DENND5B: variants seen among roughly 807,000 people sequenced by gnomAD.
DENND5B encodes the protein DENN domain-containing protein 5B.
In DENND5B, 34 loss-of-function variants were observed where a neutral mutation model predicts 140.6. The ratio of observed to expected loss-of-function variants is 0.24; its 90% confidence interval spans 0.18 to 0.32. The LOEUF is 0.32. Ranked by LOEUF, DENND5B falls within the 10% of genes least tolerant of loss-of-function variation. DENND5B has a pLI of 1.00. For missense variants in DENND5B, 1,142 were observed against 1,560.2 expected (o/e 0.73, Z 4.52); for synonymous variants, 551 against 562.1 (o/e 0.98, Z 0.28).
rs1013664683 is a variant in DENND5B, at chr12:31,590,740, G to A, written c.93C>T (p.Asp31=). 9.5e-6 allele frequency: 14 copies of A among 1,476,286 alleles called. No homozygotes were observed. Among genetic ancestry groups the A allele is most frequent in the Non-Finnish European group, 1.3e-5 (14 of 1,119,690 alleles). 91.4% of individuals were successfully genotyped at this position (1,476,286 alleles called of 1,614,324 possible). A position where few individuals can be genotyped will look rare whatever the true frequency, so the allele number is the denominator to read the frequency against. The change falls in exon 1 of 21, where the codon GAC becomes GAT. Residue 31 remains aspartate (D), a synonymous_variant. Coordinates refer to ENST00000389082, the MANE Select transcript of DENND5B (RefSeq NM_144973.4). ...CGTCAGGCTCCAGCCCGCTGTCCGC[G>A]TCGATCCCGCACAGCACGAAGTAGT... The part of the protein sequence containing the change: ...FAHYFVLCGI[D]ADSGLEPDEL...
chr12:31,542,108 A>G (rs1948697676), intron 1 of DENND5B, among the ~76,000 whole-genome samples: 1 of 152,062 alleles, frequency 6.6e-6, no homozygotes, highest in Non-Finnish European at 1.5e-5. Flanking sequence ...CAATACGGTG[A>G]AACCCTGTCT....
chr12:31,421,198 C>T (rs779201444), intron 11 of DENND5B, among the ~76,000 whole-genome samples: 14 of 151,998 alleles, frequency 9.2e-5, no homozygotes, highest in Non-Finnish European at 1.9e-4. Flanking sequence ...CACCTGCCAC[C>T]CATGCCTGGC....
chr12:31,550,283 C>A (rs982324104), intron 1 of DENND5B, among the ~76,000 whole-genome samples: 1 of 136,074 alleles, frequency 7.3e-6, no homozygotes, highest in Non-Finnish European at 1.5e-5. Flanking sequence ...TCTCATTGTT[C>A]AATTCCCACC....
intron 1 of DENND5B, among the ~76,000 whole-genome samples, chr12:31,538,677 G>A (rs950869594): frequency 1.3e-5 from 2 of 152,074 alleles, no homozygotes; most frequent in African/African-American, 4.8e-5. Flanking sequence ...GACAAGCCTG[G>A]ACAACTTGGT....
chr12:31,507,050 G>A (rs781152497), intron 1 of DENND5B, among the ~76,000 whole-genome samples: 2 of 152,180 alleles, frequency 1.3e-5, no homozygotes, highest in East Asian at 1.9e-4. Flanking sequence ...TCCTTCCAGA[G>A]ACAGCGCCTA....
intron 1 of DENND5B, among the ~76,000 whole-genome samples, chr12:31,561,771 T>C (rs562803536): frequency 7.9e-5 from 12 of 152,314 alleles, no homozygotes; most frequent in Non-Finnish European, 1.3e-4. Flanking sequence ...GGAGCTAGTA[T>C]GGCATTAAGA....
intron 2 of DENND5B, among the ~76,000 whole-genome samples, chr12:31,486,543 T>C (rs1378247219): frequency 6.6e-6 from 1 of 152,252 alleles, no homozygotes; most frequent in Non-Finnish European, 1.5e-5. Context: ...CATCCACTTA[T>C]GCACTGTCTA....
intron 8 of DENND5B, among the ~76,000 whole-genome samples, chr12:31,430,372 G>A (rs537367431): frequency 9.3e-5 from 14 of 151,272 alleles, no homozygotes; most frequent in Non-Finnish European, 1.8e-4. Context: ...AACCACTGTC[G>A]GCTGGTCAAG....
At chr12:31,465,573 G>T (rs151280046) in intron 3 of DENND5B, 1 of 152,336 alleles carries the variant, frequency 6.6e-6, no homozygotes, top group Admixed American at 6.5e-5. Flanking sequence ...CACTATGTTG[G>T]CCAGGCTAGT....
chr12:31,570,807 T>A (rs912343191), intron 1 of DENND5B, among the ~76,000 whole-genome samples: 1 of 152,048 alleles, frequency 6.6e-6, no homozygotes, highest in Non-Finnish European at 1.5e-5. Context: ...TCTTAGGTTA[T>A]CTCAAGGTCT....
chr12:31,418,135 G>C (rs1942844225), intron 11 of DENND5B, among the ~76,000 whole-genome samples: 1 of 152,136 alleles, frequency 6.6e-6, no homozygotes, highest in Admixed American at 6.6e-5. Flanking sequence ...TAGGACATTT[G>C]TTGTGGCGAT....
intron 1 of DENND5B, among the ~76,000 whole-genome samples, chr12:31,526,411 G>C (rs1489712122): frequency 6.6e-6 from 1 of 152,140 alleles, no homozygotes; most frequent in Non-Finnish European, 1.5e-5. Flanking sequence ...CAGAAAACAT[G>C]TCAAATCCTA....
chr12:31,589,379 T>A (rs1340697983), intron 1 of DENND5B, among the ~76,000 whole-genome samples: 1 of 152,212 alleles, frequency 6.6e-6, no homozygotes, highest in South Asian at 2.1e-4. Flanking sequence ...TATTCTATTA[T>A]CTCTCCAAAT....
Position 31,572,411 on chromosome 12 carries a change from T to C in DENND5B, c.127+18295A>G, listed in dbSNP as rs563840566. ...AACAGACATTCCTCAGAAAGTCCTA[T>C]TAAAAAATGTCTGAAACAAAGCAAA... On this transcript the variant is annotated intron_variant, in intron 1 of 20. Coordinates refer to ENST00000389082, the MANE Select transcript of DENND5B (RefSeq NM_144973.4). Among the ~76,000 whole-genome samples the C allele has an allele frequency of 2.7e-3, 410 of 152,176 alleles. 2 individuals carry two copies. Among genetic ancestry groups the C allele is most frequent in the Non-Finnish European group, 4.0e-3 (274 of 68,004 alleles).
intron 11 of DENND5B, among the ~76,000 whole-genome samples, chr12:31,421,930 T>C (rs1943042622): frequency 6.6e-6 from 1 of 152,124 alleles, no homozygotes; most frequent in Non-Finnish European, 1.5e-5. Context: ...ATCTGAATCT[T>C]TATAAATATA....
At chr12:31,476,979 A>C (rs1303790172) in intron 3 of DENND5B, among the ~76,000 whole-genome samples, 1 of 152,176 alleles carries the variant, frequency 6.6e-6, no homozygotes, top group Non-Finnish European at 1.5e-5. Flanking sequence ...CGGTAATCCC[A>C]GCACTTTGGG....
intron 1 of DENND5B, among the ~76,000 whole-genome samples, chr12:31,513,156 T>C (rs773817680): frequency 4.6e-5 from 7 of 152,340 alleles, no homozygotes; most frequent in Admixed American, 4.6e-4. Flanking sequence ...TTTCTCATGA[T>C]TATACTGAGT....
At chr12:31,553,528 A>G (rs71620709) in intron 1 of DENND5B, among the ~76,000 whole-genome samples, 1 of 152,302 alleles carries the variant, frequency 6.6e-6, no homozygotes. Context: ...GCTGCAAAGA[A>G]TGTATATTCT....
chr12:31,540,663 C>CT (rs916142905), intron 1 of DENND5B, among the ~76,000 whole-genome samples: 1 of 142,988 alleles, frequency 7.0e-6, no homozygotes, highest in African/African-American at 2.6e-5. Flanking sequence ...CGCCCCCCAA[C>CT]CCCCCCACCA....
Sources: allele counts gnomAD v4.1 joint callset (sites outside exome capture counted in the v4.1 genomes callset), GRCh38; gene constraint gnomAD v4.1.1; transcripts MANE v1.5; gene names NCBI Gene and HGNC (gene_info 2026-07-23, HGNC 2026-07-21).